The following CSMD2 variants were observed in gnomAD, a reference collection of about 807,000 sequenced individuals.
The protein encoded by CSMD2 is CUB and sushi domain-containing protein 2.
Under a neutral mutation model 398.5 loss-of-function variants are expected in CSMD2, and 130 were observed. The observed-to-expected ratio is 0.33, with a 90% CI of 0.28 to 0.38. The LOEUF is 0.38. Ranked by LOEUF, CSMD2 falls within the 10% of genes least tolerant of loss-of-function variation. The pLI, the probability that CSMD2 is intolerant of heterozygous loss-of-function variation, is 1.00. For missense variants in CSMD2, 3,829 were observed against 4,764.9 expected, an observed-to-expected ratio of 0.80 and a Z score of 5.78; for synonymous variants, 1,828 against 1,908.5, an observed-to-expected ratio of 0.96 and a Z score of 1.10.
At chr1:33,601,624 G>A (rs1557602415) in intron 43 of CSMD2, among the ~76,000 whole-genome samples, 1 of 152,066 alleles carries the variant, frequency 6.6e-6, no homozygotes, top group Non-Finnish European at 1.5e-5. Flanking sequence ...ACCAAACAAA[G>A]GAATTTTAAA....
At chr1:34,063,882 A>G (rs1289676403) in intron 2 of CSMD2, among the ~76,000 whole-genome samples, 1 of 152,230 alleles carries the variant, frequency 6.6e-6, no homozygotes, top group East Asian at 1.9e-4. Context: ...TACATCTGAA[A>G]TGAGGTTACC....
chr1:33,866,381 A>C (rs532256634), intron 5 of CSMD2, among the ~76,000 whole-genome samples: 15 of 152,190 alleles, frequency 9.9e-5, no homozygotes, highest in Non-Finnish European at 2.2e-4. Flanking sequence ...GCAGAAAGTA[A>C]TGGGGGAGGG....
At chr1:33,709,580 C>A in intron 21 of CSMD2, 1 of 435,254 alleles carries the variant, frequency 2.3e-6, no homozygotes. Context: ...GTGCCACATA[C>A]CTATTCATAT....
At chr1:33,733,628 T>G (rs920409473) in intron 15 of CSMD2, among the ~76,000 whole-genome samples, 1 of 152,118 alleles carries the variant, frequency 6.6e-6, no homozygotes, top group African/African-American at 2.4e-5. Flanking sequence ...GGTAATCGGA[T>G]CATGGGGGCA....
chr1:33,574,810 G>C (rs920658827), intron 49 of CSMD2, among the ~76,000 whole-genome samples: 1 of 152,210 alleles, frequency 6.6e-6, no homozygotes, highest in Non-Finnish European at 1.5e-5. Flanking sequence ...TAATCAGAAA[G>C]GCTATGAGCT....
upstream of CSMD2, chr1:34,165,805 G>A: frequency 6.2e-7 from 1 of 1,613,634 alleles, no homozygotes; most frequent in Non-Finnish European, 8.5e-7. Flanking sequence ...CGATGCTTAT[G>A]AGCCTCATTC....
At position 33,554,765 on chromosome 1, in the gene CSMD2, C is replaced by T. The variant is rs529473471; in HGVS notation, c.8743+2969G>A. Among the ~76,000 whole-genome samples the T allele has an allele frequency of 2.6e-5, 4 of 152,268 alleles. No individual in the cohort carries two copies. In the South Asian group the frequency reaches 8.3e-4, roughly 32 times the overall value. On this transcript the variant is annotated intron_variant, in intron 55 of 70. Coordinates refer to ENST00000373381, the MANE Select transcript of CSMD2 (RefSeq NM_001281956.2). ...TGGTTTATTGAACATTTTAAGCCCG[C>T]TGTTGAGACCTACTGCTCAGAAAAA...
chr1:34,070,813 C>A (rs1231093959), intron 2 of CSMD2, among the ~76,000 whole-genome samples: 1 of 151,984 alleles, frequency 6.6e-6, no homozygotes, highest in African/African-American at 2.4e-5. Context: ...TGAGGAATTC[C>A]TCTTATAACT....
chr1:34,021,582 A>T (rs1450138217), intron 3 of CSMD2, among the ~76,000 whole-genome samples: 1 of 152,216 alleles, frequency 6.6e-6, no homozygotes, highest in Non-Finnish European at 1.5e-5. Context: ...TATGGGAGGC[A>T]GGGTCAAGCC....
At chr1:34,027,239 T>C (rs1023397181) in intron 3 of CSMD2, among the ~76,000 whole-genome samples, 8 of 152,226 alleles carry the variant, frequency 5.3e-5, no homozygotes, top group Non-Finnish European at 8.8e-5. Context: ...AGAGGATTTA[T>C]ACAATTATCA....
At chr1:33,642,537 G>GGAT (rs1024523040) in intron 29 of CSMD2, among the ~76,000 whole-genome samples, 2 of 152,138 alleles carry the variant, frequency 1.3e-5, no homozygotes, top group African/African-American at 4.8e-5. Context: ...TCTGGAGTGC[G>GGAT]GATGATGGTC....
Position 33,533,530 on chromosome 1 carries a change from G to C in CSMD2, c.9991+266C>G, listed in dbSNP as rs72887294. Among the ~76,000 whole-genome samples the C allele has an allele frequency of 0.048, 7,326 of 152,118 alleles. 539 individuals are homozygous for C. Among genetic ancestry groups the C allele is most frequent in the African/African-American group, 0.16 (6,593 of 41,450 alleles). On this transcript the variant is annotated intron_variant, in intron 63 of 70. Coordinates refer to ENST00000373381, the MANE Select transcript of CSMD2 (RefSeq NM_001281956.2). The surrounding 1 kb of genome is among the most constrained non-coding windows in gnomAD (Gnocchi z 4.2). ...CAAAAGCTTGATATCTCCATCCTGA[G>C]GCCTGGCCTTGCAGTTGTTAGTTTT...
chr1:33,999,261 G>A (rs1646821660), intron 3 of CSMD2, among the ~76,000 whole-genome samples: 2 of 152,234 alleles, frequency 1.3e-5, no homozygotes, highest in Admixed American at 1.3e-4. Flanking sequence ...AGGACGGGCA[G>A]TGGGAAGGGT....
chr1:33,953,795 G>A (rs1039010312), intron 3 of CSMD2, among the ~76,000 whole-genome samples: 7 of 152,168 alleles, frequency 4.6e-5, no homozygotes, highest in African/African-American at 1.7e-4. Flanking sequence ...CCTGCTCCCT[G>A]AGAGATACGG....
rs11333218 is a variant in CSMD2, at chr1:33,514,280, CTTTTTT to C, written c.*2338_*2343del. 1 of 147,380 alleles carries C rather than the reference CTTTTTT, an allele frequency of 6.8e-6. No homozygotes were observed. Among genetic ancestry groups the C allele is most frequent in the African/African-American group, 2.5e-5 (1 of 40,086 alleles). 9.1% of individuals were successfully genotyped at this position (147,380 alleles called of 1,614,324 possible). ...ACAATAATGAAAAAAAAATTTACAC[CTTTTTT>C]TTTTTCTTTTTTGGTACTGTACAAA... is the stretch of plus-strand genomic sequence containing the variant. On this transcript the variant is annotated 3_prime_UTR_variant, in exon 71 of 71. Coordinates refer to ENST00000373381, the MANE Select transcript of CSMD2 (RefSeq NM_001281956.2).
intron 4 of CSMD2, among the ~76,000 whole-genome samples, chr1:33,928,586 A>G (rs893688987): frequency 6.6e-6 from 1 of 152,230 alleles, no homozygotes; most frequent in Non-Finnish European, 1.5e-5. Flanking sequence ...CAAGCCACTC[A>G]GCCAGTGGGT....
intron 1 of CSMD2, among the ~76,000 whole-genome samples, chr1:34,113,383 T>C (rs1661288221): frequency 6.6e-6 from 1 of 152,234 alleles, no homozygotes; most frequent in Non-Finnish European, 1.5e-5. Flanking sequence ...TCAAAACATG[T>C]CTAACCTTGA....
At chr1:33,577,509 G>C (rs1384838753) in intron 48 of CSMD2, 25 bp from the exon 49 acceptor site, 2 of 1,581,942 alleles carry the variant, frequency 1.3e-6, no homozygotes, top group East Asian at 2.3e-5. Context: ...GAGGTTCAGG[G>C]AACTGGCACC....
At chr1:33,649,880 A>G (rs550642068) in intron 28 of CSMD2, among the ~76,000 whole-genome samples, 1 of 152,286 alleles carries the variant, frequency 6.6e-6, no homozygotes, top group East Asian at 1.9e-4. Flanking sequence ...AAGGCTGGCT[A>G]AGAGACAGGA....
Sources: gnomAD v4.1 joint callset for allele counts (sites outside exome capture counted in the v4.1 genomes callset) on GRCh38, gnomAD v4.1.1 for gene constraint, Gnocchi (gnomAD v3.1) non-coding constraint, MANE v1.5 for transcripts, NCBI Gene and HGNC (gene_info 2026-07-23, HGNC 2026-07-21) for gene names.